EEF1A2: variants seen among roughly 807,000 people sequenced by gnomAD.
EEF1A2 encodes the protein eukaryotic translation elongation factor 1 alpha 2, also known as elongation factor 1-alpha 2.
In EEF1A2, 5 loss-of-function variants were observed where a neutral mutation model predicts 39.3. The ratio of observed to expected loss-of-function variants is 0.13; its 90% CI spans 0.07 to 0.27. EEF1A2 has a LOEUF of 0.27. Among genes scored for constraint, EEF1A2 ranks in the 10% least tolerant of loss-of-function variants. The pLI is 1.00. For missense variants in EEF1A2, 218 were observed against 681.4 expected (o/e 0.32, Z 7.57); for synonymous variants, 287 against 293.7 (o/e 0.98, Z 0.23).
rs1247118238 is a variant in EEF1A2 at position 63,495,001 on chromosome 20, G to A, written c.425C>T (p.Thr142Met). 6.2e-7 allele frequency: 1 copy of A among 1,612,808 alleles called. No homozygotes were observed. Among genetic ancestry groups the A allele is most frequent in the Non-Finnish European group, 8.5e-7 (1 of 1,179,974 alleles). Residue 142 changes from threonine (T) to methionine (M), a missense_variant, in exon 4 of 8, where the codon ACG (threonine) becomes ATG (methionine). Around this residue, in one of 4 missense-constraint regions of EEF1A2, gnomAD observed 79 missense variants for 172.3 expected, o/e 0.46. Coordinates refer to ENST00000217182, the MANE Select transcript of EEF1A2 (RefSeq NM_001958.5). Reference sequence around the variant, plus strand: ...CACGATGAGCTGCTTCACACCCAGCGTGTAGGCCAGCAGGGCATGCTCCCG... The same window carrying A: ...CACGATGAGCTGCTTCACACCCAGCATGTAGGCCAGCAGGGCATGCTCCCG... ...QTREHALLAY[T>M]LGVKQLIVGV...
intron 7 of EEF1A2, 139 bp from the exon 8 acceptor site, chr20:63,488,564 A>ACGGC (rs1228028929): frequency 1.7e-6 from 2 of 1,191,958 alleles, no homozygotes; most frequent in Non-Finnish European, 2.2e-6. Context: ...CCCTGTGAAG[A>ACGGC]CGGCCGGCCT....
chr20:63,488,595 G>A (rs1047846653), intron 7 of EEF1A2, among the ~76,000 whole-genome samples, 170 bp from the exon 8 acceptor site: 10 of 151,826 alleles, frequency 6.6e-5, no homozygotes, highest in Non-Finnish European at 1.0e-4. Context: ...CTGCCTGGGC[G>A]GCTGCTCCAC....
At chr20:63,496,558 C>A (rs1024120450) in intron 2 of EEF1A2, 1 of 154,710 alleles carries the variant, frequency 6.5e-6, no homozygotes, top group South Asian at 2.0e-4. Context: ...CTCCCCATCC[C>A]TCTGAGGCTT....
intron 2 of EEF1A2, 27 bp from the exon 3 acceptor site, chr20:63,496,062 G>A (rs2082415106): frequency 6.2e-7 from 1 of 1,610,374 alleles, no homozygotes; most frequent in South Asian, 1.1e-5. Context: ...TCACGGCTGA[G>A]GGCGGGACCC....
chr20:63,489,441 C>T (rs2082368362), intron 6 of EEF1A2, among the ~76,000 whole-genome samples: 1 of 152,202 alleles, frequency 6.6e-6, no homozygotes, highest in African/African-American at 2.4e-5. Context: ...CAAAACTGGA[C>T]CTCAATTCCT....
chr20:63,492,292 G>A (rs1386448443), intron 5 of EEF1A2, among the ~76,000 whole-genome samples: 1 of 152,268 alleles, frequency 6.6e-6, no homozygotes, highest in East Asian at 1.9e-4. Flanking sequence ...ATGGATGGGT[G>A]GGTAGGTGGG....
At chr20:63,493,048 G>C in intron 5 of EEF1A2, 89 bp downstream of exon 5, 1 of 1,463,048 alleles carries the variant, frequency 6.8e-7, no homozygotes, top group Non-Finnish European at 9.1e-7. Context: ...ATTGGAGACA[G>C]CCCAGTCTTG....
In EEF1A2 at chr20:63,497,795, CG is replaced by C; in HGVS notation, c.-33del. 3 of 1,601,832 alleles carry C rather than the reference CG, an allele frequency of 1.9e-6. No individual in the cohort carries two copies. Among genetic ancestry groups the C allele is most frequent in the African/African-American group, 1.3e-5 (1 of 74,814 alleles). ...GGGAGTGTGAGGGGCTGGCGGGACC[CG>C]GGGTGCTCTGGCTCAGGGCGAGGGG... On this transcript the variant is annotated 5_prime_UTR_variant, in exon 2 of 8. Transcript: ENST00000217182. The surrounding 1 kb of genome is among the most constrained non-coding windows in gnomAD (Gnocchi z 7.3).
At chr20:63,492,774 GTGGATAGA>G in intron 5 of EEF1A2, among the ~76,000 whole-genome samples, 1 of 123,022 alleles carries the variant, frequency 8.1e-6, no homozygotes, top group Middle Eastern at 5.9e-3. Flanking sequence ...GGGTGGGGAG[GTGGATAGA>G]TGGAGAGATG....
chr20:63,497,981 A>G lies in EEF1A2; in HGVS notation c.-71-147T>C. 1.7e-6 allele frequency: 1 copy of G among 585,576 alleles called. No homozygotes were observed. Among genetic ancestry groups the G allele is most frequent in the Non-Finnish European group, 2.8e-6 (1 of 351,048 alleles). 36.3% of individuals were successfully genotyped at this position (585,576 alleles called of 1,614,324 possible). ...GGTGGGGAGGGAAGGGCCCCCACCC[A>G]CAGCTGGGCCTGGCCAGGGCAAGCA... On this transcript the variant is annotated intron_variant, in intron 1 of 7. Transcript: ENST00000217182. The surrounding 1 kb of genome is among the most constrained non-coding windows in gnomAD (Gnocchi z 7.3).
chr20:63,496,085 T>G (rs1162854556), intron 2 of EEF1A2, 50 bp from the exon 3 acceptor site: 3 of 1,598,850 alleles, frequency 1.9e-6, no homozygotes, highest in Non-Finnish European at 2.6e-6. Context: ...GACCCAGGAG[T>G]CCCTGGTGGT....
chr20:63,490,870 T>C, intron 5 of EEF1A2, 135 bp from the exon 6 acceptor site: 1 of 1,060,620 alleles, frequency 9.4e-7, no homozygotes. Context: ...TGGGGCCACA[T>C]GGGCGGAGTG....
chr20:63,494,242 G>A (rs1026536498), intron 4 of EEF1A2, among the ~76,000 whole-genome samples: 8 of 152,218 alleles, frequency 5.3e-5, no homozygotes, highest in African/African-American at 9.6e-5. Context: ...GTCTCCACGC[G>A]TCACCTCCAG....
intron 7 of EEF1A2, among the ~76,000 whole-genome samples, 183 bp from the exon 8 acceptor site, chr20:63,488,608 T>C (rs908911404): frequency 2.0e-5 from 3 of 151,106 alleles, no homozygotes; most frequent in Non-Finnish European, 4.4e-5. Flanking sequence ...TGCTCCACGG[T>C]CTGCGGGGCG....
intron 5 of EEF1A2, among the ~76,000 whole-genome samples, chr20:63,491,885 G>GATGA (rs2082382267): frequency 7.1e-6 from 1 of 141,822 alleles, no homozygotes; most frequent in African/African-American, 2.7e-5. Context: ...TAGATGGATG[G>GATGA]ATGGATGGAT....
intron 6 of EEF1A2, among the ~76,000 whole-genome samples, chr20:63,489,715 G>A (rs1034239965): frequency 3.9e-5 from 6 of 151,984 alleles, no homozygotes; most frequent in Admixed American, 1.3e-4. Context: ...CCCGGGAGGC[G>A]GAGGTTGCAG....
At chr20:63,492,530 ATG>A (rs1363559126) in intron 5 of EEF1A2, among the ~76,000 whole-genome samples, 4 of 149,974 alleles carry the variant, frequency 2.7e-5, no homozygotes, top group South Asian at 2.1e-4. Flanking sequence ...GGATGGATGG[ATG>A]GAAGGATGGA....
At chr20:63,491,678 A>G (rs2082379397) in intron 5 of EEF1A2, among the ~76,000 whole-genome samples, 1 of 147,760 alleles carries the variant, frequency 6.8e-6, no homozygotes, top group Non-Finnish European at 1.5e-5. Context: ...GGATGGATGT[A>G]TGAATGGGGT....
chr20:63,492,390 G>GGGGATGGATGGA (rs769905403), intron 5 of EEF1A2, among the ~76,000 whole-genome samples: 1 of 129,654 alleles, frequency 7.7e-6, no homozygotes, highest in Non-Finnish European at 1.6e-5. Flanking sequence ...GGATGGGTGG[G>GGGGATGGATGGA]TAGATGGATG....
Sources: gnomAD v4.1 joint callset for allele counts (sites outside exome capture counted in the v4.1 genomes callset) on GRCh38, gnomAD v4.1.1 for gene constraint, gnomAD v4.1.1 regional missense constraint, Gnocchi (gnomAD v3.1) non-coding constraint, MANE v1.5 for transcripts, NCBI Gene and HGNC (gene_info 2026-07-23, HGNC 2026-07-21) for gene names.